The following CDH15 variants were observed in gnomAD, a reference collection of about 807,000 sequenced individuals.
CDH15 encodes cadherin-15.
CDH15 carries 73 observed loss-of-function variants against 69.4 expected under a neutral mutation model. The observed-to-expected ratio is 1.05, with a 90% confidence interval of 0.87 to 1.28. The LOEUF is 1.28. CDH15 is among the 50% of genes most tolerant of loss of function. The pLI is 0.00. For missense variants in CDH15, 1,343 were observed against 1,133.6 expected, an observed-to-expected ratio of 1.18 and a Z score of -2.65; for synonymous variants, 624 against 507.7, an observed-to-expected ratio of 1.23 and a Z score of -3.08.
rs796423774 is a variant in CDH15 at position 89,183,188 on chromosome 16, A to G, written c.358-360A>G. The G allele has an allele frequency of 2.1e-4, 43 of 207,860 alleles. 1 individual carries two copies. The highest frequency in any genetic ancestry group is 9.4e-4 in the African/African-American group (41 of 43,576). The allele number at this position is 207,860 out of a possible 1,614,324, so 12.9% of individuals were successfully genotyped here. On this transcript the variant is annotated intron_variant, in intron 3 of 13. Coordinates refer to ENST00000289746, the MANE Select transcript of CDH15 (RefSeq NM_004933.3). ...CAAGAGTGAAACTCTATCTCAAAAAAAAAAACAAAAAACAAAAACATAACT... is the reference window on the plus strand; with the variant it reads ...CAAGAGTGAAACTCTATCTCAAAAAGAAAAACAAAAAACAAAAACATAACT...
At chr16:89,174,846 C>G (rs977599490) in intron 1 of CDH15, among the ~76,000 whole-genome samples, 3 of 152,134 alleles carry the variant, frequency 2.0e-5, no homozygotes, top group African/African-American at 7.2e-5. Context: ...GCTTGCGTCC[C>G]CTACCCCAGG....
intron 6 of CDH15, 64 bp from the exon 7 acceptor site, chr16:89,188,036 G>C (rs1027082218): frequency 6.9e-7 from 1 of 1,445,348 alleles, no homozygotes. Context: ...TGAGGGCCCT[G>C]AGGGCCCCAC....
At chr16:89,192,602 G>T (rs145397325) in intron 11 of CDH15, among the ~76,000 whole-genome samples, 158 bp downstream of exon 11, 8,967 of 35,082 alleles carry the variant, frequency 0.26, 747 homozygotes, top group East Asian at 0.41. Flanking sequence ...CCCCAGCTCC[G>T]CCTCCTCCCT....
rs776792357 is a variant in CDH15 at position 89,193,487 on chromosome 16, G to A, written c.1873G>A (p.Ala625Thr). Residue 625 changes from alanine (A) to threonine (T), a missense_variant, in exon 12 of 14, where the codon GCA (alanine) becomes ACA (threonine). Physicochemically the swap from Ala to Thr is moderately conservative, Grantham distance 58. Coordinates refer to ENST00000289746, the MANE Select transcript of CDH15 (RefSeq NM_004933.3). ...LLLLVLVLLV[A>T]LRARFWKQSR... ...TTCCCCAGTGCTGGTCCTGCTCGTGGCACTCCGGGCGCGGTTCTGGAAGCA... is the reference window on the plus strand; with the variant it reads ...TTCCCCAGTGCTGGTCCTGCTCGTGACACTCCGGGCGCGGTTCTGGAAGCA... The A allele has an allele frequency of 2.5e-6, 4 of 1,611,452 alleles. No homozygotes were observed. The African/African-American group carries it at 5.4e-5, about 22-fold the overall frequency.
intron 2 of CDH15, 106 bp from the exon 3 acceptor site, chr16:89,180,094 C>G: frequency 7.8e-7 from 1 of 1,287,424 alleles, no homozygotes; most frequent in Non-Finnish European, 1.1e-6. Context: ...TCCTAGGAGA[C>G]TTAGACCTGC....
chr16:89,189,095 C>CGG (rs1190369325), intron 7 of CDH15, among the ~76,000 whole-genome samples: 4 of 136,012 alleles, frequency 2.9e-5, no homozygotes, highest in Admixed American at 1.5e-4. Flanking sequence ...ACACAGATGC[C>CGG]CACACACAGA....
At chr16:89,188,851 TGCCCACGCACAGGTGCC>T (rs1363098148) in intron 7 of CDH15, among the ~76,000 whole-genome samples, 2 of 105,214 alleles carry the variant, frequency 1.9e-5, no homozygotes, top group African/African-American at 7.7e-5. Flanking sequence ...CACACACAGA[TGCCCACGCACAGGTGCC>T]CACACACAGA....
At chr16:89,180,114 A>G (rs992199263) in intron 2 of CDH15, 86 bp from the exon 3 acceptor site, 17 of 1,467,924 alleles carry the variant, frequency 1.2e-5, no homozygotes, top group Non-Finnish European at 1.5e-5. Flanking sequence ...CCCTGCTGTC[A>G]GCTGGGGAGG....
chr16:89,176,852 C>A (rs777659899), intron 1 of CDH15, among the ~76,000 whole-genome samples: 59 of 152,104 alleles, frequency 3.9e-4, no homozygotes, highest in Admixed American at 1.4e-3. Context: ...GACTCCCCAT[C>A]GCCTGCCTGG....
At chr16:89,180,501 G>A in intron 3 of CDH15, 146 bp downstream of exon 3, 1 of 946,874 alleles carries the variant, frequency 1.1e-6, no homozygotes, top group Non-Finnish European at 1.6e-6. Context: ...GAGGGGGCAG[G>A]TACAGGGGTT....
chr16:89,191,015 GT>G (rs1206563405), intron 8 of CDH15, among the ~76,000 whole-genome samples: 1 of 150,844 alleles, frequency 6.6e-6, no homozygotes, highest in Non-Finnish European at 1.5e-5. Flanking sequence ...GCATATGTGT[GT>G]GCACATGTGT....
At chr16:89,183,760 C>G in intron 4 of CDH15, 68 bp downstream of exon 4, 1 of 1,486,388 alleles carries the variant, frequency 6.7e-7, no homozygotes, top group East Asian at 2.5e-5. Flanking sequence ...TCCAGGACTT[C>G]CCTTAAGCAA....
rs984250803 is a variant in CDH15 at position 89,171,776 on chromosome 16, G to A, written c.-56G>A. 2.6e-6 allele frequency: 4 copies of A among 1,521,804 alleles called. No individual in the cohort carries two copies. The highest frequency in any genetic ancestry group is 2.4e-5 in the South Asian group (2 of 83,596). The allele number at this position is 1,521,804 out of a possible 1,614,324, so 94.3% of individuals were successfully genotyped here. On this transcript the variant is annotated 5_prime_UTR_variant, in exon 1 of 14. Coordinates refer to ENST00000289746, the MANE Select transcript of CDH15 (RefSeq NM_004933.3). ...GCGCACTTGCGCTGTCACTCAGCCTGGACGCGCTTCTTCGGGTCGCGGGTG... is the reference window on the plus strand; with the variant it reads ...GCGCACTTGCGCTGTCACTCAGCCTAGACGCGCTTCTTCGGGTCGCGGGTG...
rs1274144294 is a variant in CDH15 at position 89,191,860 on chromosome 16, G to A, written c.1581G>A (p.Glu527=). 1.9e-6 allele frequency: 3 copies of A among 1,596,318 alleles called. No individual in the cohort carries two copies. Among genetic ancestry groups the A allele is most frequent in the East Asian group, 4.5e-5 (2 of 44,550 alleles). The part of the protein sequence containing the change: ...FHFQLSPRLP[E]LGRNWSLSQV... Reference sequence around the variant, plus strand: ...TCCAGCTGAGCCCCAGGCTCCCAGAGCTCGGCCGGAACTGGAGCCTCAGCC... The same window carrying A: ...TCCAGCTGAGCCCCAGGCTCCCAGAACTCGGCCGGAACTGGAGCCTCAGCC... The change falls in exon 10 of 14, where the codon GAG becomes GAA. Residue 527 remains glutamate (E), a synonymous_variant. Transcript: ENST00000289746.
chr16:89,187,553 A>C lies in CDH15; in HGVS notation c.788A>C (p.Asp263Ala), dbSNP rs587780302. 2 of 1,613,480 alleles carry C rather than the reference A, an allele frequency of 1.2e-6. No individual in the cohort carries two copies. The highest frequency in any genetic ancestry group is 1.1e-5 in the South Asian group (1 of 91,084). Reference protein sequence around the residue: ...INDNAPEFTRDEFFMEAIEAV... With the variant: ...INDNAPEFTRAEFFMEAIEAV... ...GACAATGCCCCCGAGTTCACCAGGGATGAGGTGCTGCTGCTGTCCCTCCCT... is the reference window on the plus strand; with the variant it reads ...GACAATGCCCCCGAGTTCACCAGGGCTGAGGTGCTGCTGCTGTCCCTCCCT... Residue 263 changes from aspartate to alanine, a missense_variant, in exon 6 of 14, where the codon GAT (aspartate) becomes GCT (alanine). Coordinates refer to ENST00000289746, the MANE Select transcript of CDH15 (RefSeq NM_004933.3).
rs775536377 is a variant in CDH15 at position 89,195,023 on chromosome 16, C to T, written c.2313C>T (p.Pro771=). 2.4e-5 allele frequency: 39 copies of T among 1,612,316 alleles called. 2 individuals are homozygous for T. The South Asian group carries it at 4.1e-4, about 17-fold the overall frequency. ...ACGACTACCTCAGAGACTGGGGGCC[C>T]CGCTTCGCCCGGCTGGCAGACATGT... ...QDYDYLRDWG[P]RFARLADMYG... is the part of the protein sequence containing the mutation. Residue 771 remains proline (P), a synonymous_variant, in exon 14 of 14, where the codon CCC becomes CCT. Transcript: ENST00000289746.
chr16:89,185,420 C>G (rs1392291126), intron 5 of CDH15, 87 bp downstream of exon 5: 1 of 1,416,396 alleles, frequency 7.1e-7, no homozygotes, highest in Non-Finnish European at 9.7e-7. Flanking sequence ...CTGCCCACCC[C>G]AGACGCTCCT....
chr16:89,173,778 C>G lies in CDH15; in HGVS notation c.42+1905C>G, dbSNP rs114855352. Among the ~76,000 whole-genome samples, 515 of 152,324 alleles carry G rather than the reference C, an allele frequency of 3.4e-3. 1 individual carries two copies. The highest frequency in any genetic ancestry group is 0.012 in the African/African-American group (487 of 41,566). On this transcript the variant is annotated intron_variant, in intron 1 of 13. Transcript: ENST00000289746. ...GCCACCTCTGATTGCTGAGCTCACT[C>G]AGCCCCACCCGGAGGGTGTCTTCAG...
chr16:89,195,087 G>A lies in CDH15; in HGVS notation c.2377G>A (p.Asp793Asn). 1.2e-6 allele frequency: 2 copies of A among 1,611,644 alleles called. No individual in the cohort carries two copies. Among genetic ancestry groups the A allele is most frequent in the South Asian group, 2.2e-5 (2 of 91,038 alleles). Reference protein sequence around the residue: ...PCGLEYGARWDHQAREGLSPG... With the variant: ...PCGLEYGARWNHQAREGLSPG... ...CGGGTTGGAGTACGGGGCCAGATGG[G>A]ACCACCAGGCCAGGGAGGGTCTTTC... The change falls in exon 14 of 14, where the codon GAC becomes AAC. Residue 793 changes from aspartate to asparagine, a missense_variant. Asp to Asn is a conservative substitution (Grantham distance 23). Transcript: ENST00000289746.
Sources: gnomAD v4.1 joint callset for allele counts (sites outside exome capture counted in the v4.1 genomes callset) on GRCh38, gnomAD v4.1.1 for gene constraint, MANE v1.5 for transcripts, NCBI Gene and HGNC (gene_info 2026-07-23, HGNC 2026-07-21) for gene names.